SRRT: variants seen among roughly 807,000 people sequenced by gnomAD.
SRRT encodes serrate RNA effector molecule homolog.
Under a neutral mutation model 103.2 loss-of-function variants are expected in SRRT, and 32 were observed. The observed-to-expected ratio is 0.31, with a 90% CI of 0.23 to 0.42. The LOEUF (loss-of-function observed/expected upper bound fraction) is 0.42, where lower values mean the gene tolerates loss of function less well. Ranked by LOEUF, SRRT falls within the 10% of genes least tolerant of loss-of-function variation. The pLI is 1.00. For missense variants in SRRT, 986 were observed against 1,207.5 expected (o/e 0.82, Z 2.72); for synonymous variants, 525 against 449.0 (o/e 1.17, Z -2.14).
intron 13 of SRRT, 50 bp from the exon 14 acceptor site, chr7:100,886,745 C>T: frequency 1.9e-6 from 3 of 1,599,960 alleles, no homozygotes; most frequent in Non-Finnish European, 2.6e-6. Context: ...TCTCAGGTTA[C>T]CTCCTCTGAA....
intron 2 of SRRT, 97 bp from the exon 3 acceptor site, chr7:100,881,188 C>G: frequency 7.1e-6 from 10 of 1,404,528 alleles, no homozygotes; most frequent in Non-Finnish European, 9.7e-6. Flanking sequence ...AACTCCTGGC[C>G]TCAAGTGTTC....
rs759208700 is a variant in SRRT, at chr7:100,888,656, T to C, written c.*107T>C. 2.4e-4 allele frequency: 351 copies of C among 1,481,050 alleles called. No homozygotes were observed. Among genetic ancestry groups the C allele is most frequent in the Admixed American group, 3.5e-4 (20 of 57,902 alleles). 91.7% of individuals were successfully genotyped at this position (1,481,050 alleles called of 1,614,324 possible). On this transcript the variant is annotated 3_prime_UTR_variant, in exon 20 of 20. Transcript: ENST00000611405. ...CAGCCTTACTGCTAATAAAAGCACT[T>C]CCACAGGGCTCCTGACTCTCGTGTG...
At chr7:100,884,331 G>C (rs775419276) in intron 6 of SRRT, 37 bp from the exon 7 acceptor site, 1 of 1,612,652 alleles carries the variant, frequency 6.2e-7, no homozygotes, top group South Asian at 1.1e-5. Context: ...AGGAGCCAGG[G>C]CCCTGGGGTC....
Position 100,888,271 on chromosome 7 carries a change from C to T in SRRT, c.2443C>T (p.Pro815Ser), listed in dbSNP as rs1790374997. ...CTCTGTCATAGCTGGTGCTGTCCGC[C>T]CTGCAGTCCCCACAGGAGGCCCTCC... ...ILGYGAGAVR[P>S]AVPTGGPPYP... The change falls in exon 19 of 20, where the codon CCT becomes TCT. Residue 815 changes from proline to serine, a missense_variant. Around this residue, in one of 6 missense-constraint regions of SRRT, gnomAD observed 178 missense variants for 189.6 expected, o/e 0.94. Coordinates refer to ENST00000611405, the MANE Select transcript of SRRT (RefSeq NM_015908.6). 1.9e-6 allele frequency: 3 copies of T among 1,609,304 alleles called. No individual in the cohort carries two copies. The highest frequency in any genetic ancestry group is 2.6e-6 in the Non-Finnish European group (3 of 1,176,400).
intron 3 of SRRT, 50 bp from the exon 4 acceptor site, chr7:100,881,609 T>TG (rs779805938): frequency 1.3e-5 from 21 of 1,611,316 alleles, no homozygotes; most frequent in South Asian, 2.2e-5. Flanking sequence ...CTCCATGCTC[T>TG]GGGGAGGTGA....
At chr7:100,876,886 C>T (rs1375856584) in intron 2 of SRRT, among the ~76,000 whole-genome samples, 1 of 152,132 alleles carries the variant, frequency 6.6e-6, no homozygotes, top group Non-Finnish European at 1.5e-5. Context: ...GGGAATTCCC[C>T]AGACACGAGT....
At position 100,878,948 on chromosome 7, in the gene SRRT, TTTTC is replaced by T. The variant is rs746251564; in HGVS notation, c.123-2324_123-2321del. Among the ~76,000 whole-genome samples, 26 of 151,854 alleles carry T rather than the reference TTTTC, an allele frequency of 1.7e-4. No homozygotes were observed. In the South Asian group the frequency reaches 1.9e-3, roughly 11 times the overall value. On this transcript the variant is annotated intron_variant, in intron 2 of 19. Coordinates refer to ENST00000611405, the MANE Select transcript of SRRT (RefSeq NM_015908.6). ...TCCTTCCTTTCTTTCTTTTTCTTTC[TTTTC>T]TTTCTTTCTTTCATTCTTTCTTTCA...
At chr7:100,886,560 C>G (rs1406369902) in intron 13 of SRRT, 125 bp downstream of exon 13, 7 of 1,106,446 alleles carry the variant, frequency 6.3e-6, no homozygotes, top group Non-Finnish European at 9.0e-6. Flanking sequence ...TCATTTGCCC[C>G]TTCGTGTGTG....
In SRRT at chr7:100,885,453, A is replaced by G; in HGVS notation, c.1317+83A>G. Reference sequence around the variant, plus strand: ...AAGGCAGTGGGGCCCTGCCTGTGACAGATGCCCCCGTTTCACCTGCTAGGG... The same window carrying G: ...AAGGCAGTGGGGCCCTGCCTGTGACGGATGCCCCCGTTTCACCTGCTAGGG... On this transcript the variant is annotated intron_variant, in intron 10 of 19. Coordinates refer to ENST00000611405, the MANE Select transcript of SRRT (RefSeq NM_015908.6). This position sits in a 1 kb window ranked among gnomAD's most constrained non-coding sequence, Gnocchi z 4.8. 7.0e-7 allele frequency: 1 copy of G among 1,419,056 alleles called. No homozygotes were observed. Among genetic ancestry groups the G allele is most frequent in the Non-Finnish European group, 9.5e-7 (1 of 1,055,844 alleles). The allele number at this position is 1,419,056 out of a possible 1,614,324, so 87.9% of individuals were successfully genotyped here. A position where few individuals can be genotyped will look rare whatever the true frequency, so the allele number is the denominator to read the frequency against.
rs1444242841 is a variant in SRRT, at chr7:100,875,247, T to C, written c.-100T>C. 6 of 405,986 alleles carry C rather than the reference T, an allele frequency of 1.5e-5. No homozygotes were observed. The highest frequency in any genetic ancestry group is 2.3e-5 in the Non-Finnish European group (6 of 258,822). The allele number at this position is 405,986 out of a possible 1,614,324, so 25.1% of individuals were successfully genotyped here. ...CGTCTCCGTCTCGCCCTCCTCGAAG[T>C]CCTCGTCGCGCGCCCGCGACCCAGG... On this transcript the variant is annotated 5_prime_UTR_variant, in exon 1 of 20. Coordinates refer to ENST00000611405, the MANE Select transcript of SRRT (RefSeq NM_015908.6).
In SRRT at chr7:100,882,226, A is replaced by G. The variant is rs139994743; in HGVS notation, c.572A>G (p.His191Arg). 6.2e-7 allele frequency: 1 copy of G among 1,613,918 alleles called. No homozygotes were observed. Among genetic ancestry groups the G allele is most frequent in the Non-Finnish European group, 8.5e-7 (1 of 1,179,952 alleles). The change falls in exon 5 of 20, where the codon CAC (histidine) becomes CGC (arginine). Residue 191 changes from histidine (H) to arginine (R), a missense_variant. By Grantham distance (29) the His-to-Arg change is conservative (BLOSUM62 0). Around this residue, in one of 6 missense-constraint regions of SRRT, gnomAD observed 274 missense variants for 358.5 expected, o/e 0.76. Transcript: ENST00000611405. The surrounding 1 kb of genome is among the most constrained non-coding windows in gnomAD (Gnocchi z 4.2). Reference sequence around the variant, plus strand: ...CAGATGCAGGATTTCTTCCTGGCGCACAAAGATGAGGAGTGGTGAGTGCCC... The same window carrying G: ...CAGATGCAGGATTTCTTCCTGGCGCGCAAAGATGAGGAGTGGTGAGTGCCC... ...RQQMQDFFLA[H>R]KDEEWFRSKY...
In SRRT at chr7:100,885,838, T is replaced by G. The variant is rs2115870288; in HGVS notation, c.1380-25T>G. 6.2e-7 allele frequency: 1 copy of G among 1,614,132 alleles called. No individual in the cohort carries two copies. On this transcript the variant is annotated intron_variant, in intron 11 of 19. Transcript: ENST00000611405. The surrounding 1 kb of genome is among the most constrained non-coding windows in gnomAD (Gnocchi z 4.8). ...CAACACCAACTCCCTCGCTTGACTA[T>G]GCTAACATTTTCTTTCTTGTGTAGG...
In SRRT at chr7:100,884,400, G is replaced by A; in HGVS notation, c.790G>A (p.Asp264Asn). 6.2e-7 allele frequency: 1 copy of A among 1,613,726 alleles called. No homozygotes were observed. The highest frequency in any genetic ancestry group is 8.5e-7 in the Non-Finnish European group (1 of 1,179,890). Reference protein sequence around the residue: ...VIKMEGGTENDLRILEQEEEE... With the variant: ...VIKMEGGTENNLRILEQEEEE... ...TAAGATGGAAGGAGGCACGGAGAAT[G>A]ATCTTCGCATCCTGGAGCAGGAGGA... Residue 264 changes from aspartate (D) to asparagine (N), a missense_variant, in exon 7 of 20, where the codon GAT becomes AAT. By Grantham distance (23) the Asp-to-Asn change is conservative. Coordinates refer to ENST00000611405, the MANE Select transcript of SRRT (RefSeq NM_015908.6).
rs1173144253 is a variant in SRRT, at chr7:100,885,352, C to G, written c.1299C>G (p.Ser433=). The part of the protein sequence containing the change: ...LFMRNIAPNI[S]RAEIISLCKR... ...TGCGCAACATCGCGCCCAACATCTC[C>G]CGGGCCGAGATCATCTCCGTGAGTG... Residue 433 remains serine, a synonymous_variant, in exon 10 of 20, where the codon TCC becomes TCG. Transcript: ENST00000611405. This position sits in a 1 kb window ranked among gnomAD's most constrained non-coding sequence, Gnocchi z 4.8. 2.5e-6 allele frequency: 4 copies of G among 1,613,710 alleles called. No individual in the cohort carries two copies. Among genetic ancestry groups the G allele is most frequent in the Non-Finnish European group, 3.4e-6 (4 of 1,179,734 alleles).
At chr7:100,888,195 A>G (rs1056021132) in intron 18 of SRRT, 52 bp downstream of exon 18, 9 of 1,598,828 alleles carry the variant, frequency 5.6e-6, no homozygotes, top group Non-Finnish European at 7.7e-6. Context: ...GCTTTGGGAG[A>G]AGAAAACAGA....
chr7:100,882,757 T>G lies in SRRT; in HGVS notation c.587+516T>G, dbSNP rs1345134729. On this transcript the variant is annotated intron_variant, in intron 5 of 19. Coordinates refer to ENST00000611405, the MANE Select transcript of SRRT (RefSeq NM_015908.6). The surrounding 1 kb of genome is among the most constrained non-coding windows in gnomAD (Gnocchi z 4.2). ...CTCATCCTCTTTCTGCTCCTCCTCC[T>G]TGAAAAGAGCCAGAACTGGGAACTA... The G allele has an allele frequency of 6.5e-6, 1 of 153,878 alleles. No homozygotes were observed. Among genetic ancestry groups the G allele is most frequent in the African/African-American group, 2.4e-5 (1 of 41,422 alleles). 9.5% of individuals were successfully genotyped at this position (153,878 alleles called of 1,614,324 possible).
chr7:100,876,808 C>T lies in SRRT; in HGVS notation c.122+1096C>T, dbSNP rs542080330. On this transcript the variant is annotated intron_variant, in intron 2 of 19. Coordinates refer to ENST00000611405, the MANE Select transcript of SRRT (RefSeq NM_015908.6). ...GGAACAGATCTCTAAAGGAGGGGAG[C>T]GGTGCTGGAGGTTGTGTGTCAGGGA... Among the ~76,000 whole-genome samples the T allele has an allele frequency of 3.0e-4, 45 of 152,114 alleles. 1 individual carries two copies. The South Asian group carries it at 7.9e-3, about 27-fold the overall frequency.
chr7:100,885,085 T>A lies in SRRT; in HGVS notation c.1159+45T>A, dbSNP rs746271461. 1.9e-6 allele frequency: 3 copies of A among 1,610,494 alleles called. No individual in the cohort carries two copies. The highest frequency in any genetic ancestry group is 1.3e-5 in the African/African-American group (1 of 74,574). ...TTAAAGTGCGTTCTCCTAATGCGGG[T>A]GGGGAGGTGAGAGGTTGGCGACATT... is the stretch of plus-strand genomic sequence containing the variant. On this transcript the variant is annotated intron_variant, in intron 9 of 19. Transcript: ENST00000611405. The surrounding 1 kb of genome is among the most constrained non-coding windows in gnomAD (Gnocchi z 4.8).
At position 100,880,319 on chromosome 7, in the gene SRRT, G is replaced by T. The variant is rs144583695; in HGVS notation, c.123-966G>T. Among the ~76,000 whole-genome samples the T allele has an allele frequency of 3.5e-3, 533 of 152,154 alleles. 4 individuals are homozygous for T. Among genetic ancestry groups the T allele is most frequent in the African/African-American group, 0.012 (516 of 41,518 alleles). ...TGATTCTTTTTTCTTTTTTTGGTGG[G>T]GGGGATGAAGTCTTGCTCTGTCGCC... On this transcript the variant is annotated intron_variant, in intron 2 of 19. Transcript: ENST00000611405.
Sources: allele counts gnomAD v4.1 joint callset (sites outside exome capture counted in the v4.1 genomes callset), GRCh38; gene constraint gnomAD v4.1.1; regional missense constraint gnomAD v4.1.1; non-coding constraint Gnocchi (gnomAD v3.1); transcripts MANE v1.5; gene names NCBI Gene and HGNC (gene_info 2026-07-23, HGNC 2026-07-21).